Variants in SUMF1 observed in about 807,000 individuals in gnomAD.
SUMF1 encodes the protein sulfatase modifying factor 1.
Under a neutral mutation model 47.6 loss-of-function variants are expected in SUMF1, and 48 were observed. The observed-to-expected ratio is 1.01, with a 90% CI of 0.80 to 1.28. The LOEUF (loss-of-function observed/expected upper bound fraction) is 1.28, where lower values mean the gene tolerates loss of function less well. Among genes scored for constraint, SUMF1 ranks in the 50% most tolerant of loss-of-function variants. The probability of loss-of-function intolerance (pLI) is 0.00; values close to 1 mark genes in which losing one functional copy is unlikely to be tolerated. For synonymous variants in SUMF1, 230 were observed against 192.1 expected (o/e 1.20, Z -1.63); for missense variants, 571 against 485.4 (o/e 1.18, Z -1.66).
intron 9 of SUMF1, among the ~76,000 whole-genome samples, chr3:4,061,684 T>C (rs1378836174): frequency 6.6e-6 from 1 of 151,990 alleles, no homozygotes; most frequent in Non-Finnish European, 1.5e-5. Flanking sequence ...GGGGGACACA[T>C]AAGGGAGGTA....
chr3:4,340,429 G>C (rs1226886334), intron 8 of SUMF1, among the ~76,000 whole-genome samples: 1 of 152,178 alleles, frequency 6.6e-6, no homozygotes, highest in Non-Finnish European at 1.5e-5. Context: ...ATAGTTTATG[G>C]TCTTCATGAA....
chr3:4,315,701 T>A (rs1366359636), intron 8 of SUMF1, among the ~76,000 whole-genome samples: 2 of 152,126 alleles, frequency 1.3e-5, no homozygotes, highest in African/African-American at 4.8e-5. Flanking sequence ...TACTTCCACT[T>A]GACTATTATC....
At chr3:4,136,874 C>T (rs1456228521) in intron 8 of SUMF1, among the ~76,000 whole-genome samples, 10 of 152,044 alleles carry the variant, frequency 6.6e-5, no homozygotes, top group Non-Finnish European at 1.0e-4. Context: ...TGAAAAAATG[C>T]TCATCATCAC....
Position 4,232,697 on chromosome 3 carries a change from AT to A in SUMF1, c.1014+143632del, listed in dbSNP as rs201138161. Among the ~76,000 whole-genome samples, 847 of 151,588 alleles carry A rather than the reference AT, an allele frequency of 5.6e-3. 5 individuals carry two copies. Among genetic ancestry groups the A allele is most frequent in the African/African-American group, 0.019 (787 of 41,382 alleles). Reference sequence around the variant, plus strand: ...AATAAATTATTCAAGGCCATATGGTATTTTTTTTTAAAAGGCAGTCCGGGGT... The same window carrying A: ...AATAAATTATTCAAGGCCATATGGTATTTTTTTTAAAAGGCAGTCCGGGGT... On this transcript the variant is annotated intron_variant and NMD_transcript_variant, in intron 8 of 12. Coordinates refer to the SUMF1 transcript ENST00000448413.
chr3:4,136,200 G>A (rs1176953938), intron 8 of SUMF1, among the ~76,000 whole-genome samples: 2 of 152,118 alleles, frequency 1.3e-5, no homozygotes, highest in African/African-American at 2.4e-5. Flanking sequence ...AAAGCTGGAG[G>A]CATCATGCTA....
At chr3:4,403,147 T>C (rs964130711) in intron 7 of SUMF1, among the ~76,000 whole-genome samples, 1 of 152,150 alleles carries the variant, frequency 6.6e-6, no homozygotes, top group Non-Finnish European at 1.5e-5. Flanking sequence ...TACAACTCTA[T>C]GAAGTAGAAA....
intron 8 of SUMF1, among the ~76,000 whole-genome samples, chr3:4,181,526 T>C (rs773830971): frequency 3.0e-4 from 45 of 152,168 alleles, no homozygotes; most frequent in Non-Finnish European, 6.2e-4. Context: ...AGCTCTGCCA[T>C]TGGCTTGGGG....
chr3:4,339,734 A>C (rs148559514), intron 8 of SUMF1, among the ~76,000 whole-genome samples: 246 of 152,284 alleles, frequency 1.6e-3, no homozygotes, highest in Non-Finnish European at 2.6e-3. Context: ...ACTGCTGTAC[A>C]AATATTCCCA....
intron 8 of SUMF1, among the ~76,000 whole-genome samples, chr3:4,260,124 T>C (rs1178078404): frequency 6.6e-6 from 1 of 152,230 alleles, no homozygotes; most frequent in East Asian, 1.9e-4. Context: ...CTAATACTTC[T>C]AGATCATCAG....
At chr3:4,368,251 G>A (rs899363569) in intron 8 of SUMF1, among the ~76,000 whole-genome samples, 1 of 152,122 alleles carries the variant, frequency 6.6e-6, no homozygotes, top group African/African-American at 2.4e-5. Flanking sequence ...CACCATCACT[G>A]GCCATCAGAG....
chr3:4,289,632 C>G (rs908803337), intron 8 of SUMF1, among the ~76,000 whole-genome samples: 2 of 152,156 alleles, frequency 1.3e-5, no homozygotes, highest in African/African-American at 4.8e-5. Context: ...CCTCCATCAC[C>G]CATTACAGTA....
At chr3:4,174,970 C>T (rs899072593) in intron 8 of SUMF1, among the ~76,000 whole-genome samples, 18 of 152,172 alleles carry the variant, frequency 1.2e-4, no homozygotes, top group African/African-American at 3.9e-4. Context: ...AGAAGGCAGC[C>T]GGGCTGGGGG....
intron 8 of SUMF1, among the ~76,000 whole-genome samples, chr3:4,143,835 G>C (rs886843986): frequency 1.3e-5 from 2 of 152,090 alleles, no homozygotes; most frequent in African/African-American, 4.8e-5. Context: ...CTGGGAGCTA[G>C]TTAGAATTGT....
chr3:4,334,303 T>A (rs543759237), intron 8 of SUMF1, among the ~76,000 whole-genome samples: 1 of 152,334 alleles, frequency 6.6e-6, no homozygotes, highest in African/African-American at 2.4e-5. Context: ...GACAAACGGT[T>A]GATTTTTTTG....
At chr3:4,352,731 TAAA>T (rs34628235) in intron 8 of SUMF1, among the ~76,000 whole-genome samples, 33,404 of 107,620 alleles carry the variant, frequency 0.31, 5,166 homozygotes, top group African/African-American at 0.48. Context: ...TTGCTGCGTG[TAAA>T]AAAAAAAAAA....
chr3:4,278,092 G>C (rs1316645130), intron 8 of SUMF1, among the ~76,000 whole-genome samples: 1 of 151,998 alleles, frequency 6.6e-6, no homozygotes, highest in Non-Finnish European at 1.5e-5. Context: ...ACCCAGATTT[G>C]TTTGGCTGAT....
intron 8 of SUMF1, among the ~76,000 whole-genome samples, chr3:4,104,118 C>T (rs1213894249): frequency 6.6e-6 from 1 of 152,124 alleles, no homozygotes; most frequent in Admixed American, 6.6e-5. Flanking sequence ...CCATTATTCC[C>T]ACATGTTGTG....
chr3:4,444,033 T>C (rs1702696988), intron 3 of SUMF1, among the ~76,000 whole-genome samples: 1 of 152,088 alleles, frequency 6.6e-6, no homozygotes, highest in Non-Finnish European at 1.5e-5. Context: ...GTGAAATCAC[T>C]GGATACTAAA....
intron 8 of SUMF1, among the ~76,000 whole-genome samples, chr3:4,208,779 A>G (rs1477470402): frequency 6.6e-6 from 1 of 152,174 alleles, no homozygotes; most frequent in Non-Finnish European, 1.5e-5. Flanking sequence ...CAAACTGAAA[A>G]GAAAAAAGAC....
Sources: gnomAD v4.1 joint callset for allele counts (sites outside exome capture counted in the v4.1 genomes callset) on GRCh38, gnomAD v4.1.1 for gene constraint, MANE v1.5 for transcripts, NCBI Gene and HGNC (gene_info 2026-07-23, HGNC 2026-07-21) for gene names.